COMMD1: variants seen among roughly 807,000 people sequenced by gnomAD.
The protein encoded by COMMD1 is COMM domain-containing protein 1.
COMMD1 carries 10 observed loss-of-function variants against 17.2 expected under a neutral mutation model. The observed-to-expected ratio is 0.58, with a 90% CI of 0.36 to 0.99. The LOEUF (loss-of-function observed/expected upper bound fraction) is 0.99, where lower values mean the gene tolerates loss of function less well. Among genes scored for constraint, COMMD1 ranks in the 50% least tolerant of loss-of-function variants. COMMD1 has a pLI of 0.01. For synonymous variants in COMMD1, 97 were observed against 91.6 expected (o/e 1.06, Z -0.34); for missense variants, 270 against 231.8 (o/e 1.17, Z -1.07).
intron 2 of COMMD1, among the ~76,000 whole-genome samples, chr2:62,090,181 A>G (rs1217489717): frequency 6.6e-6 from 1 of 151,178 alleles, no homozygotes; most frequent in East Asian, 1.9e-4. Flanking sequence ...ATCTGGCATA[A>G]CATTTACAAG....
chr2:62,075,987 G>C (rs1483468567), intron 2 of COMMD1, among the ~76,000 whole-genome samples: 1 of 152,206 alleles, frequency 6.6e-6, no homozygotes, highest in Admixed American at 6.5e-5. Context: ...GAATTCTGTA[G>C]GGGGAGAACA....
At chr2:62,013,504 C>G (rs1573070273) in intron 2 of COMMD1, among the ~76,000 whole-genome samples, 1 of 151,966 alleles carries the variant, frequency 6.6e-6, no homozygotes, top group East Asian at 1.9e-4. Flanking sequence ...TTTGTCAAAC[C>G]TAGGGATAAC....
intron 2 of COMMD1, among the ~76,000 whole-genome samples, chr2:62,039,808 C>T (rs1287273309): frequency 6.6e-6 from 1 of 152,102 alleles, no homozygotes; most frequent in Non-Finnish European, 1.5e-5. Flanking sequence ...ACACAAATAT[C>T]CTTAGAACCA....
At chr2:61,958,853 G>C (rs1246377917) in intron 1 of COMMD1, among the ~76,000 whole-genome samples, 2 of 151,996 alleles carry the variant, frequency 1.3e-5, no homozygotes, top group African/African-American at 4.8e-5. Context: ...CAGTTGGATT[G>C]TTTCTAGACT....
chr2:61,996,348 G>A lies in COMMD1; in HGVS notation c.181-4353G>A, dbSNP rs1668756607. Among the ~76,000 whole-genome samples, 2 of 151,404 alleles carry A rather than the reference G, an allele frequency of 1.3e-5. 1 individual carries two copies. Among genetic ancestry groups the A allele is most frequent in the African/African-American group, 4.8e-5 (2 of 41,246 alleles). ...TGTGTGTGTGTGTGTGTGTGTGTGT[G>A]TGTGTGTGTCAGAAGTGGGATTTGA... On this transcript the variant is annotated intron_variant, in intron 1 of 2. Transcript: ENST00000311832.
At chr2:62,115,054 A>G (rs1672552420) in intron 2 of COMMD1, among the ~76,000 whole-genome samples, 1 of 152,222 alleles carries the variant, frequency 6.6e-6, no homozygotes, top group Non-Finnish European at 1.5e-5. Flanking sequence ...TCAGAGGTGT[A>G]AGACACAGTT....
intron 2 of COMMD1, among the ~76,000 whole-genome samples, chr2:62,048,628 G>A (rs1260314071): frequency 6.6e-6 from 1 of 151,848 alleles, no homozygotes; most frequent in Non-Finnish European, 1.5e-5. Context: ...CAAATTGTAT[G>A]GTAAAGTTTA....
chr2:62,066,436 CT>C (rs34663203), intron 2 of COMMD1, among the ~76,000 whole-genome samples: 15,917 of 136,868 alleles, frequency 0.12, 1,784 homozygotes, highest in African/African-American at 0.32. Flanking sequence ...AAGATCAAAT[CT>C]TTTTTTTTTT....
At chr2:62,122,128 G>C (rs1370765369) in intron 2 of COMMD1, among the ~76,000 whole-genome samples, 1 of 152,188 alleles carries the variant, frequency 6.6e-6, no homozygotes, top group South Asian at 2.1e-4. Context: ...TAATGCATGA[G>C]AAATTAGCCA....
chr2:61,890,695 A>G lies in COMMD1; in HGVS notation n.119+1853A>G, dbSNP rs116218938. Among the ~76,000 whole-genome samples, 636 of 151,726 alleles carry G rather than the reference A, an allele frequency of 4.2e-3. 3 individuals are homozygous for G. Among genetic ancestry groups the G allele is most frequent in the African/African-American group, 0.015 (617 of 41,378 alleles). On this transcript the variant is annotated intron_variant and non_coding_transcript_variant, in intron 1 of 2. Transcript: ENST00000472729. ...GTCTCTACTAAAAATCAAAACATTAACCGGGGGTGTAATCCCAGCTACTCG... is the reference window on the plus strand; with the variant it reads ...GTCTCTACTAAAAATCAAAACATTAGCCGGGGGTGTAATCCCAGCTACTCG...
chr2:62,087,583 TA>T (rs1340028448), intron 2 of COMMD1, among the ~76,000 whole-genome samples: 2 of 152,104 alleles, frequency 1.3e-5, no homozygotes, highest in Non-Finnish European at 1.5e-5. Flanking sequence ...CCGTCTCTAC[TA>T]AAAGTACAAA....
intron 1 of COMMD1, among the ~76,000 whole-genome samples, chr2:61,934,776 TGGTTC>T (rs1393110771): frequency 1.3e-5 from 2 of 152,188 alleles, no homozygotes; most frequent in East Asian, 3.8e-4. Flanking sequence ...CAACCCTCAT[TGGTTC>T]TTTTCTTTTT....
chr2:62,060,327 T>C (rs1670823885), intron 2 of COMMD1, among the ~76,000 whole-genome samples: 1 of 152,040 alleles, frequency 6.6e-6, no homozygotes. Flanking sequence ...TGAGATGCTG[T>C]CTCCAAAAAT....
intron 1 of COMMD1, among the ~76,000 whole-genome samples, chr2:61,978,036 A>G (rs1456139775): frequency 6.6e-6 from 1 of 151,380 alleles, no homozygotes; most frequent in South Asian, 2.1e-4. Flanking sequence ...GGATCATTCC[A>G]TATAGTCCCA....
intron 2 of COMMD1, among the ~76,000 whole-genome samples, chr2:62,042,084 G>T (rs935465576): frequency 6.6e-6 from 1 of 152,172 alleles, no homozygotes; most frequent in Non-Finnish European, 1.5e-5. Context: ...ACAGAGCACC[G>T]ATTGGTCCAT....
intron 2 of COMMD1, among the ~76,000 whole-genome samples, chr2:62,096,517 T>A (rs1010753465): frequency 1.8e-4 from 28 of 152,208 alleles, no homozygotes; most frequent in African/African-American, 6.5e-4. Flanking sequence ...CTTCTGTGTG[T>A]TGTTTTTTTC....
Position 62,099,205 on chromosome 2 carries a change from C to A in COMMD1, c.463-36626C>A, listed in dbSNP as rs189980576. On this transcript the variant is annotated intron_variant, in intron 2 of 2. Transcript: ENST00000311832. Reference sequence around the variant, plus strand: ...GCAGAAGGGGAGACAGTTTCTGGAGCCTTCCTGATTTTAGAAGTGGCGAGA... The same window carrying A: ...GCAGAAGGGGAGACAGTTTCTGGAGACTTCCTGATTTTAGAAGTGGCGAGA... 1.7e-3 allele frequency among the ~76,000 whole-genome samples: 265 copies of A among 152,214 alleles called. 2 individuals carry two copies. The highest frequency in any genetic ancestry group is 3.4e-4 in the Non-Finnish European group (23 of 68,010).
chr2:62,113,190 TAA>T (rs532292925), intron 2 of COMMD1, among the ~76,000 whole-genome samples: 2 of 145,560 alleles, frequency 1.4e-5, no homozygotes, highest in African/African-American at 5.0e-5. Flanking sequence ...ACAAAAAAAT[TAA>T]AAAAAAAAAA....
intron 2 of COMMD1, among the ~76,000 whole-genome samples, chr2:62,046,212 C>T (rs374535214): frequency 3.9e-5 from 6 of 152,172 alleles, no homozygotes; most frequent in Non-Finnish European, 5.9e-5. Context: ...ATAAAGAAAT[C>T]GAGTCCTGGT....
Sources: gnomAD v4.1 joint callset for allele counts (sites outside exome capture counted in the v4.1 genomes callset) on GRCh38, gnomAD v4.1.1 for gene constraint, MANE v1.5 for transcripts, NCBI Gene and HGNC (gene_info 2026-07-23, HGNC 2026-07-21) for gene names.